The following NOL4 variants were observed in gnomAD, a reference collection of about 807,000 sequenced individuals.
NOL4 encodes the protein nucleolar protein 4, also known as cancer/testis antigen 125.
NOL4 carries 17 observed loss-of-function variants against 75.9 expected under a neutral mutation model. The ratio of observed to expected loss-of-function variants is 0.22; its 90% CI spans 0.15 to 0.34. The LOEUF (loss-of-function observed/expected upper bound fraction) is 0.34, where lower values mean the gene tolerates loss of function less well. Ranked by LOEUF, NOL4 falls within the 10% of genes least tolerant of loss-of-function variation. The pLI is 1.00. For missense variants in NOL4, 614 were observed against 793.5 expected (o/e 0.77, Z 2.72); for synonymous variants, 292 against 289.9 (o/e 1.01, Z -0.07).
At chr18:34,105,378 A>T (rs532526024) in intron 2 of NOL4, among the ~76,000 whole-genome samples, 2 of 152,094 alleles carry the variant, frequency 1.3e-5, no homozygotes, top group Non-Finnish European at 2.9e-5. Context: ...TGGAGACAAA[A>T]ATCAACCACA....
At chr18:33,902,410 T>A (rs1331602896) in intron 9 of NOL4, among the ~76,000 whole-genome samples, 1 of 152,160 alleles carries the variant, frequency 6.6e-6, no homozygotes, top group African/African-American at 2.4e-5. Context: ...TTCAACTTCT[T>A]CATCCAATTC....
intron 5 of NOL4, among the ~76,000 whole-genome samples, chr18:34,028,405 T>C (rs1019809098): frequency 2.0e-5 from 3 of 152,222 alleles, no homozygotes; most frequent in Non-Finnish European, 4.4e-5. Context: ...ATGAATTACA[T>C]TGAATATATC....
chr18:34,085,468 T>C (rs983674304), intron 5 of NOL4, among the ~76,000 whole-genome samples: 2 of 152,182 alleles, frequency 1.3e-5, no homozygotes, highest in African/African-American at 4.8e-5. Context: ...CTGATCAGAT[T>C]AGACTCTCCA....
chr18:34,060,471 T>C (rs2077025306), intron 5 of NOL4, among the ~76,000 whole-genome samples: 1 of 152,210 alleles, frequency 6.6e-6, no homozygotes, highest in Non-Finnish European at 1.5e-5. Flanking sequence ...ATTTTTCCAT[T>C]GCATTTATTT....
At chr18:34,019,704 C>T (rs1176073875) in intron 5 of NOL4, 103 bp from the exon 6 acceptor site, 8 of 975,884 alleles carry the variant, frequency 8.2e-6, no homozygotes, top group African/African-American at 1.7e-5. Context: ...TGGCATTTTA[C>T]ATACAATATG....
intron 5 of NOL4, among the ~76,000 whole-genome samples, chr18:34,053,574 C>T (rs1340331178): frequency 6.6e-6 from 1 of 151,922 alleles, no homozygotes; most frequent in Admixed American, 6.6e-5. Context: ...GTCTCTGAGC[C>T]AGATAACATT....
chr18:33,873,186 TG>T (rs1567986325), intron 10 of NOL4, among the ~76,000 whole-genome samples: 1 of 152,032 alleles, frequency 6.6e-6, no homozygotes, highest in Non-Finnish European at 1.5e-5. Context: ...TTAGCTTCTG[TG>T]AATTACTTTT....
intron 9 of NOL4, among the ~76,000 whole-genome samples, chr18:33,925,168 G>T (rs2067253743): frequency 6.6e-6 from 1 of 152,078 alleles, no homozygotes; most frequent in Non-Finnish European, 1.5e-5. Context: ...GATTATGTAT[G>T]ATGTGCTCTG....
At position 33,852,348 on chromosome 18, in the gene NOL4, T is replaced by C. The variant is rs2062660594; in HGVS notation, c.*494A>G. On this transcript the variant is annotated 3_prime_UTR_variant, in exon 11 of 11. Coordinates refer to ENST00000261592, the MANE Select transcript of NOL4 (RefSeq NM_003787.5). ...TTGAATGAAAAACAAGTTTTCTTTT[T>C]ATAAAAATTACATATTTTTTTAAAA... 1 of 152,344 alleles carries C rather than the reference T, an allele frequency of 6.6e-6. No individual in the cohort carries two copies. Among genetic ancestry groups the C allele is most frequent in the African/African-American group, 2.4e-5 (1 of 41,384 alleles). 9.4% of individuals were successfully genotyped at this position (152,344 alleles called of 1,614,324 possible). A position where few individuals can be genotyped will look rare whatever the true frequency, so the allele number is the denominator to read the frequency against.
intron 2 of NOL4, among the ~76,000 whole-genome samples, chr18:34,125,997 T>C (rs940610121): frequency 6.6e-6 from 1 of 151,794 alleles, no homozygotes; most frequent in African/African-American, 2.4e-5. Flanking sequence ...CATGAGAAGT[T>C]ATTACTATTC....
chr18:33,935,508 G>T (rs915824477), intron 9 of NOL4, among the ~76,000 whole-genome samples: 1 of 152,028 alleles, frequency 6.6e-6, no homozygotes, highest in Non-Finnish European at 1.5e-5. Context: ...ATTTGGCATG[G>T]TTCACGGTGT....
At chr18:33,906,509 CTT>C in intron 9 of NOL4, among the ~76,000 whole-genome samples, 1 of 152,266 alleles carries the variant, frequency 6.6e-6, no homozygotes, top group Non-Finnish European at 1.5e-5. Context: ...AGATACAAGA[CTT>C]TAAAACCAAA....
chr18:34,143,498 A>AT (rs1007569748), intron 1 of NOL4, among the ~76,000 whole-genome samples: 6 of 152,042 alleles, frequency 3.9e-5, no homozygotes, highest in South Asian at 2.1e-4. Flanking sequence ...TTTTCTCAAT[A>AT]TTTTTTTGTA....
chr18:34,080,302 C>T (rs896472315), intron 5 of NOL4, among the ~76,000 whole-genome samples: 1 of 152,126 alleles, frequency 6.6e-6, no homozygotes, highest in African/African-American at 2.4e-5. Flanking sequence ...TATCTAATGG[C>T]CTCACCCCTG....
At chr18:34,161,967 A>G (rs1428386655) in intron 1 of NOL4, among the ~76,000 whole-genome samples, 4 of 152,102 alleles carry the variant, frequency 2.6e-5, no homozygotes, top group Non-Finnish European at 5.9e-5. Context: ...TTAATTTTTA[A>G]TTTAATTATC....
At chr18:34,057,976 TC>T (rs989749540) in intron 5 of NOL4, among the ~76,000 whole-genome samples, 2 of 152,166 alleles carry the variant, frequency 1.3e-5, no homozygotes, top group African/African-American at 4.8e-5. Context: ...TTGATAATTT[TC>T]CAGTTATTTT....
intron 9 of NOL4, among the ~76,000 whole-genome samples, chr18:33,936,514 C>T (rs2068069309): frequency 6.6e-6 from 1 of 151,546 alleles, no homozygotes; most frequent in African/African-American, 2.4e-5. Flanking sequence ...GTGCCATTTC[C>T]CCTTCCCTCC....
At chr18:33,959,607 A>C (rs1332257484) in intron 6 of NOL4, among the ~76,000 whole-genome samples, 1 of 152,112 alleles carries the variant, frequency 6.6e-6, no homozygotes, top group Non-Finnish European at 1.5e-5. Flanking sequence ...AGTATTCTCT[A>C]TTTATTTCTG....
At chr18:34,190,984 A>T (rs2034869141) in intron 1 of NOL4, among the ~76,000 whole-genome samples, 1 of 152,110 alleles carries the variant, frequency 6.6e-6, no homozygotes. Flanking sequence ...TAAGTATCCC[A>T]TGTTACTTAA....
Sources: gnomAD v4.1 joint callset for allele counts (sites outside exome capture counted in the v4.1 genomes callset) on GRCh38, gnomAD v4.1.1 for gene constraint, MANE v1.5 for transcripts, NCBI Gene and HGNC (gene_info 2026-07-23, HGNC 2026-07-21) for gene names.